Variants in OCRL observed in about 807,000 individuals in gnomAD.
The protein encoded by OCRL is OCRL inositol polyphosphate-5-phosphatase.
A neutral mutation model predicts 78.9 loss-of-function variants in OCRL; 8 were observed. That is an observed-to-expected ratio of 0.10 (90% CI 0.06 to 0.18). The LOEUF (loss-of-function observed/expected upper bound fraction) is 0.18. Ranked by LOEUF, OCRL falls within the 10% of genes least tolerant of loss-of-function variation. The pLI, the probability that OCRL is intolerant of heterozygous loss-of-function variation, is 1.00. For synonymous variants in OCRL, 240 were observed against 235.4 expected, an observed-to-expected ratio of 1.02 and a Z score of -0.18; for missense variants, 454 against 696.7, an observed-to-expected ratio of 0.65 and a Z score of 3.92.
At chrX:129,552,349 G>A (rs1484626748) in intron 4 of OCRL, among the ~76,000 whole-genome samples, 1 of 112,229 alleles carries the variant, frequency 8.9e-6, no homozygotes, top group Non-Finnish European at 1.9e-5. Flanking sequence ...GCAGAAATAA[G>A]AACACTGCAC....
At chrX:129,576,878 C>T (rs1252911546) in intron 18 of OCRL, among the ~76,000 whole-genome samples, 1 of 111,510 alleles carries the variant, frequency 9.0e-6, no homozygotes, top group Non-Finnish European at 1.9e-5. Context: ...TTAGCATGTA[C>T]GTGAGGTATG....
chrX:129,549,200 C>T (rs1157806220), intron 4 of OCRL, among the ~76,000 whole-genome samples: 2 of 111,993 alleles, frequency 1.8e-5, no homozygotes, highest in Non-Finnish European at 3.8e-5. Flanking sequence ...TTTCCATTCT[C>T]TCATTTTTAT....
intron 21 of OCRL, 82 bp from the exon 22 acceptor site, chrX:129,588,804 A>C: frequency 2.3e-5 from 25 of 1,092,194 alleles, no homozygotes; most frequent in Non-Finnish European, 2.9e-5. Flanking sequence ...CAGTCCCTGT[A>C]GGAGCTTGAG....
At chrX:129,568,693 C>T (rs1340986521) in intron 14 of OCRL, among the ~76,000 whole-genome samples, 1 of 112,309 alleles carries the variant, frequency 8.9e-6, no homozygotes, top group Non-Finnish European at 1.9e-5. Flanking sequence ...CTCAGACTTG[C>T]ATGGTTTGAT....
At chrX:129,588,709 G>GT (rs1936548107) in intron 21 of OCRL, among the ~76,000 whole-genome samples, 177 bp from the exon 22 acceptor site, 1 of 112,234 alleles carries the variant, frequency 8.9e-6, no homozygotes, top group East Asian at 2.8e-4. Flanking sequence ...GACCAATTCT[G>GT]TAACAACTCA....
At chrX:129,556,890 T>G (rs1010653897) in intron 4 of OCRL, among the ~76,000 whole-genome samples, 3 of 112,292 alleles carry the variant, frequency 2.7e-5, no homozygotes, top group African/African-American at 9.7e-5. Context: ...TTTTATTCCC[T>G]TCATGCTTCA....
At chrX:129,549,588 C>T (rs1935933280) in intron 4 of OCRL, 1 of 111,004 alleles carries the variant, frequency 9.0e-6, no homozygotes, top group African/African-American at 3.3e-5. Flanking sequence ...GCCAGGTAAA[C>T]CCCAGCTGCA....
chrX:129,583,846 A>T (rs2124425638), intron 18 of OCRL, among the ~76,000 whole-genome samples: 1 of 111,113 alleles, frequency 9.0e-6, no homozygotes, highest in African/African-American at 3.3e-5. Flanking sequence ...GCCTTTGAGG[A>T]GGGGATTGGG....
rs746754856 is a variant in OCRL at position 129,545,629 on chromosome X, G to C, written c.199+592G>C. 2.4e-3 allele frequency among the ~76,000 whole-genome samples: 272 copies of C among 112,077 alleles called. 7 individuals are homozygous for C. Among genetic ancestry groups the C allele is most frequent in the South Asian group, 4.9e-3 (13 of 2,657 alleles). On this transcript the variant is annotated intron_variant, in intron 3 of 23. Transcript: ENST00000371113. ...TCTGCTACAATGAAACTTAAAAATTGGGAGGTTTGTGTAGGAGGTGTTGCT... is the reference window on the plus strand; with the variant it reads ...TCTGCTACAATGAAACTTAAAAATTCGGAGGTTTGTGTAGGAGGTGTTGCT...
At chrX:129,580,578 TTGCCAGATG>T (rs908385136) in intron 18 of OCRL, among the ~76,000 whole-genome samples, 1 of 112,398 alleles carries the variant, frequency 8.9e-6, no homozygotes, top group Non-Finnish European at 1.9e-5. Flanking sequence ...AGACTTGAAC[TTGCCAGATG>T]TGGCTAAGTT....
intron 21 of OCRL, 115 bp from the exon 22 acceptor site, chrX:129,588,771 T>G: frequency 1.1e-6 from 1 of 872,216 alleles, no homozygotes; most frequent in Non-Finnish European, 1.7e-6. Context: ...AGGATCAATG[T>G]GCCCTGAATA....
chrX:129,558,772 CAT>C lies in OCRL; in HGVS notation c.560+22_560+23del, dbSNP rs1255353388. ...ATAAAATGTAAGTCCCATGTGAAAA[CAT>C]ATTTGCCTTGTAGGAGAATTATAGT... is the stretch of plus-strand genomic sequence containing the variant. On this transcript the variant is annotated intron_variant, in intron 7 of 23. Transcript: ENST00000371113. 1 of 1,211,985 alleles carries C rather than the reference CAT, an allele frequency of 8.3e-7. No homozygotes were observed. The highest frequency in any genetic ancestry group is 3.0e-5 in the East Asian group (1 of 33,877).
At chrX:129,560,805 C>A (rs1334756583) in intron 9 of OCRL, among the ~76,000 whole-genome samples, 154 bp downstream of exon 9, 1 of 112,403 alleles carries the variant, frequency 8.9e-6, no homozygotes, top group Non-Finnish European at 1.9e-5. Context: ...CAGAAATGAA[C>A]AGATACCTAA....
In OCRL at chrX:129,548,688, A is replaced by C. The variant is rs1433753666; in HGVS notation, c.238+87A>C. On this transcript the variant is annotated intron_variant, in intron 4 of 23. Coordinates refer to ENST00000371113, the MANE Select transcript of OCRL (RefSeq NM_000276.4). The stretch of plus-strand genomic sequence containing the variant: ...ACATTTAAGACACCTTTTGGGGCAC[A>C]TTTTTTATTTTACCATCTTTTCCTG... 4 of 800,690 alleles carry C rather than the reference A, an allele frequency of 5.0e-6. No individual in the cohort carries two copies. The East Asian group carries it at 1.3e-4, about 25-fold the overall frequency. The allele number at this position is 800,690 out of a possible 1,213,427, so 66.0% of individuals were successfully genotyped here. A position where few individuals can be genotyped will look rare whatever the true frequency, so the allele number is the denominator to read the frequency against.
chrX:129,578,864 A>T (rs2064123), intron 18 of OCRL, among the ~76,000 whole-genome samples: 23,574 of 110,010 alleles, frequency 0.21, 4,495 homozygotes, highest in East Asian at 0.75. Flanking sequence ...ATGTGTGTGG[A>T]CATCATTTTT....
At chrX:129,566,911 C>G (rs1415350477) in intron 13 of OCRL, among the ~76,000 whole-genome samples, 1 of 112,351 alleles carries the variant, frequency 8.9e-6, no homozygotes, top group Non-Finnish European at 1.9e-5. Flanking sequence ...CATTTGTGTG[C>G]TTTTTCTTTA....
chrX:129,547,630 T>C (rs1935906349), intron 3 of OCRL, among the ~76,000 whole-genome samples: 2 of 111,546 alleles, frequency 1.8e-5, no homozygotes, highest in African/African-American at 6.5e-5. Context: ...ATCTATGTCT[T>C]GATGCCCTAA....
chrX:129,557,217 A>G (rs779926812), intron 4 of OCRL, 108 bp from the exon 5 acceptor site: 638 of 631,720 alleles, frequency 1.0e-3, no homozygotes, highest in Non-Finnish European at 1.6e-3. Flanking sequence ...GAGATCTGGA[A>G]TATTTGTGAT....
intron 18 of OCRL, 24 bp downstream of exon 18, chrX:129,576,576 A>G (rs1376427876): frequency 9.4e-7 from 1 of 1,069,175 alleles, no homozygotes. Context: ...CAAGACATAA[A>G]CCTCTTTTAC....
Sources: gnomAD v4.1 joint callset for allele counts (sites outside exome capture counted in the v4.1 genomes callset) on GRCh38, gnomAD v4.1.1 for gene constraint, MANE v1.5 for transcripts, NCBI Gene and HGNC (gene_info 2026-07-23, HGNC 2026-07-21) for gene names.